The following OSBPL3 variants were observed in gnomAD, a reference collection of about 807,000 sequenced individuals.
The protein encoded by OSBPL3 is oxysterol binding protein like 3.
In OSBPL3, 65 loss-of-function variants were observed where a neutral mutation model predicts 120.1. The observed-to-expected ratio is 0.54, with a 90% CI of 0.44 to 0.67. OSBPL3 has a LOEUF of 0.67. Ranked by LOEUF, OSBPL3 falls within the 30% of genes least tolerant of loss-of-function variation. The pLI is 0.00. For synonymous variants in OSBPL3, 416 were observed against 402.6 expected (o/e 1.03, Z -0.40); for missense variants, 1,004 against 1,082.1 (o/e 0.93, Z 1.01).
In OSBPL3 at chr7:24,959,424, CA is replaced by C. The variant is rs1815462714; in HGVS notation, c.-150+20461del. Among the ~76,000 whole-genome samples, 1 of 152,074 alleles carries C rather than the reference CA, an allele frequency of 6.6e-6. No individual in the cohort carries two copies. The highest frequency in any genetic ancestry group is 1.5e-5 in the Non-Finnish European group (1 of 67,996). Reference sequence around the variant, plus strand: ...AATAAACAAACTAAAAACCACACATCAAAATATGAGTGACTCTCACAGACCT... The same window carrying C: ...AATAAACAAACTAAAAACCACACATCAAATATGAGTGACTCTCACAGACCT... On this transcript the variant is annotated intron_variant, in intron 1 of 22. Transcript: ENST00000313367. The surrounding 1 kb of genome is among the most constrained non-coding windows in gnomAD (Gnocchi z 4.3).
At chr7:24,917,037 AGGGGGCTG>A (rs2128437205) in intron 1 of OSBPL3, among the ~76,000 whole-genome samples, 2 of 152,226 alleles carry the variant, frequency 1.3e-5, no homozygotes, top group African/African-American at 2.4e-5. Context: ...CCAGGAGTAG[AGGGGGCTG>A]CACCCATATT....
chr7:24,801,805 A>T (rs974714949), intron 22 of OSBPL3, among the ~76,000 whole-genome samples: 23 of 150,650 alleles, frequency 1.5e-4, no homozygotes, highest in Admixed American at 2.6e-4. Context: ...TGCTCTTTAT[A>T]GGAAAAGTTT....
intron 1 of OSBPL3, among the ~76,000 whole-genome samples, chr7:24,977,901 G>C (rs1045911058): frequency 1.3e-5 from 2 of 152,208 alleles, no homozygotes; most frequent in African/African-American, 4.8e-5. Flanking sequence ...TGCAGCCTGG[G>C]AGTATCTGGC....
rs1365650749 is a variant in OSBPL3, at chr7:24,953,902, C to T, written c.-150+25984G>A. On this transcript the variant is annotated intron_variant, in intron 1 of 22. Transcript: ENST00000313367. This position sits in a 1 kb window ranked among gnomAD's most constrained non-coding sequence, Gnocchi z 4.3. Reference sequence around the variant, plus strand: ...AAAACAGCTCATGAAGAAAATAATCCTTATGGTAATCATCACAATGATGAT... The same window carrying T: ...AAAACAGCTCATGAAGAAAATAATCTTTATGGTAATCATCACAATGATGAT... 6.6e-6 allele frequency among the ~76,000 whole-genome samples: 1 copy of T among 152,154 alleles called. No homozygotes were observed. The highest frequency in any genetic ancestry group is 1.5e-5 in the Non-Finnish European group (1 of 68,034).
intron 1 of OSBPL3, among the ~76,000 whole-genome samples, chr7:24,978,713 G>A (rs1449319933): frequency 2.0e-5 from 3 of 152,216 alleles, no homozygotes; most frequent in Admixed American, 2.0e-4. Context: ...TGCAGCTGTA[G>A]TTTAAAATAT....
chr7:24,948,233 T>C (rs1390623442), intron 1 of OSBPL3, among the ~76,000 whole-genome samples: 1 of 152,210 alleles, frequency 6.6e-6, no homozygotes, highest in Non-Finnish European at 1.5e-5. Flanking sequence ...TTTTCAAATA[T>C]TTGAAGCATT....
chr7:24,830,639 T>C lies in OSBPL3; in HGVS notation c.1884+129A>G, dbSNP rs941564023. 6.3e-6 allele frequency: 6 copies of C among 946,090 alleles called. No homozygotes were observed. The highest frequency in any genetic ancestry group is 9.4e-6 in the Non-Finnish European group (6 of 639,478). The allele number at this position is 946,090 out of a possible 1,614,324, so 58.6% of individuals were successfully genotyped here. A position where few individuals can be genotyped will look rare whatever the true frequency, so the allele number is the denominator to read the frequency against. On this transcript the variant is annotated intron_variant, in intron 16 of 22. Coordinates refer to ENST00000313367, the MANE Select transcript of OSBPL3 (RefSeq NM_015550.4). The surrounding 1 kb of genome is among the most constrained non-coding windows in gnomAD (Gnocchi z 4.4). ...AGGGAAATCGATCCCTCCCTTTATG[T>C]TGAAAAGCACTGTAATTATCTCGGC...
At chr7:24,876,184 G>A (rs1802814494) in intron 2 of OSBPL3, among the ~76,000 whole-genome samples, 1 of 152,094 alleles carries the variant, frequency 6.6e-6, no homozygotes, top group African/African-American at 2.4e-5. Context: ...ATATAAAAAT[G>A]AGGATGACAA....
rs1258807621 is a variant in OSBPL3 at position 24,840,753 on chromosome 7, T to C, written c.1432A>G (p.Ile478Val). 2 of 1,468,864 alleles carry C rather than the reference T, an allele frequency of 1.4e-6. No homozygotes were observed. The highest frequency in any genetic ancestry group is 2.4e-5 in the East Asian group (1 of 42,428). 91.0% of individuals were successfully genotyped at this position (1,468,864 alleles called of 1,614,324 possible). A position where few individuals can be genotyped will look rare whatever the true frequency, so the allele number is the denominator to read the frequency against. The change falls in exon 14 of 23, where the codon ATA becomes GTA. Residue 478 changes from isoleucine (I) to valine (V), a missense_variant. Physicochemically the swap from Ile to Val is conservative, Grantham distance 29. Around this residue, in one of 4 missense-constraint regions of OSBPL3, gnomAD observed 473 missense variants for 568.0 expected, o/e 0.83. Transcript: ENST00000313367. ...TTATCTAAGGAAAGATTATCACTTA[T>C]GTCACTGACATATGAGTCATCATCA... ...ISDDDSYVSD[I>V]SDNLSLDNLS... is the part of the protein sequence containing the mutation.
At chr7:24,915,546 A>C (rs542825160) in intron 1 of OSBPL3, among the ~76,000 whole-genome samples, 60 of 152,276 alleles carry the variant, frequency 3.9e-4, no homozygotes, top group African/African-American at 1.4e-3. Flanking sequence ...CTTTAAAAAA[A>C]AAAAATTCAC....
chr7:24,980,509 G>C (rs1391032802), upstream of OSBPL3, among the ~76,000 whole-genome samples: 1 of 152,070 alleles, frequency 6.6e-6, no homozygotes, highest in Non-Finnish European at 1.5e-5. Context: ...TTCGGTAAAT[G>C]TTCCTCTAGT....
In OSBPL3 at chr7:24,896,292, T is replaced by C. The variant is rs1400669858; in HGVS notation, c.-149-3671A>G. On this transcript the variant is annotated intron_variant, in intron 1 of 22. Coordinates refer to ENST00000313367, the MANE Select transcript of OSBPL3 (RefSeq NM_015550.4). The surrounding 1 kb of genome is among the most constrained non-coding windows in gnomAD (Gnocchi z 4.4). ...AACACGTGTCAAACACCAGATGCACTTGTGTCAGTTCAAAAATGACGTTTG... is the reference window on the plus strand; with the variant it reads ...AACACGTGTCAAACACCAGATGCACCTGTGTCAGTTCAAAAATGACGTTTG... Among the ~76,000 whole-genome samples, 1 of 152,244 alleles carries C rather than the reference T, an allele frequency of 6.6e-6. No homozygotes were observed. The highest frequency in any genetic ancestry group is 2.4e-5 in the African/African-American group (1 of 41,456).
At position 24,871,318 on chromosome 7, in the gene OSBPL3, T is replaced by C. The variant is rs1393858360; in HGVS notation, c.267+424A>G. Among the ~76,000 whole-genome samples the C allele has an allele frequency of 6.6e-6, 1 of 152,100 alleles. No individual in the cohort carries two copies. Among genetic ancestry groups the C allele is most frequent in the Non-Finnish European group, 1.5e-5 (1 of 68,018 alleles). Reference sequence around the variant, plus strand: ...GGACTCCTACAAGGGACAGGACAAATGGTCATTCACACACAGAGCCTTCAC... The same window carrying C: ...GGACTCCTACAAGGGACAGGACAAACGGTCATTCACACACAGAGCCTTCAC... On this transcript the variant is annotated intron_variant, in intron 4 of 22. Transcript: ENST00000313367. This position sits in a 1 kb window ranked among gnomAD's most constrained non-coding sequence, Gnocchi z 4.8.
chr7:24,911,521 A>G (rs1808816651), intron 1 of OSBPL3, among the ~76,000 whole-genome samples: 1 of 152,228 alleles, frequency 6.6e-6, no homozygotes, highest in African/African-American at 2.4e-5. Context: ...GAACACTCTC[A>G]AATAACAAGA....
intron 12 of OSBPL3, 130 bp downstream of exon 12, chr7:24,848,939 C>A: frequency 3.1e-6 from 2 of 649,804 alleles, no homozygotes; most frequent in Non-Finnish European, 5.5e-6. Flanking sequence ...GTGGCCAGCA[C>A]CCAGAGGAGG....
rs892783766 is a variant in OSBPL3, at chr7:24,965,322, T to A, written c.-150+14564A>T. Among the ~76,000 whole-genome samples, 6 of 152,218 alleles carry A rather than the reference T, an allele frequency of 3.9e-5. No individual in the cohort carries two copies. The highest frequency in any genetic ancestry group is 3.9e-4 in the Admixed American group (6 of 15,284). On this transcript the variant is annotated intron_variant, in intron 1 of 22. Transcript: ENST00000313367. This position sits in a 1 kb window ranked among gnomAD's most constrained non-coding sequence, Gnocchi z 4.3. ...CAACTATTTTTGCCCCTAGGGTAAG[T>A]CAGTCATCTGTCTTCAATCTTATTT...
At chr7:24,975,976 A>T (rs1817542181) in intron 1 of OSBPL3, among the ~76,000 whole-genome samples, 1 of 152,236 alleles carries the variant, frequency 6.6e-6, no homozygotes, top group Non-Finnish European at 1.5e-5. Context: ...CTACCAGCTC[A>T]CAGGGGTGGG....
chr7:24,972,931 G>C lies in OSBPL3; in HGVS notation c.-150+6955C>G, dbSNP rs1193073856. Among the ~76,000 whole-genome samples the C allele has an allele frequency of 6.6e-6, 1 of 152,194 alleles. No homozygotes were observed. Among genetic ancestry groups the C allele is most frequent in the South Asian group, 2.1e-4 (1 of 4,826 alleles). ...GAAACCAGTGTGGGAATCTTTACAAGTACTACATTTTAATACATATTTGGA... is the reference window on the plus strand; with the variant it reads ...GAAACCAGTGTGGGAATCTTTACAACTACTACATTTTAATACATATTTGGA... On this transcript the variant is annotated intron_variant, in intron 1 of 22. Transcript: ENST00000313367. This position sits in a 1 kb window ranked among gnomAD's most constrained non-coding sequence, Gnocchi z 4.3.
Position 24,936,866 on chromosome 7 carries a change from A to T in OSBPL3, c.-150+43020T>A, listed in dbSNP as rs1459294942. On this transcript the variant is annotated intron_variant, in intron 1 of 22. Coordinates refer to ENST00000313367, the MANE Select transcript of OSBPL3 (RefSeq NM_015550.4). This position sits in a 1 kb window ranked among gnomAD's most constrained non-coding sequence, Gnocchi z 4.2. ...AGTATCAAAAGTGAGTTGGAATGAGAGAATGGAATAGGAAGATAAATTATT... is the reference window on the plus strand; with the variant it reads ...AGTATCAAAAGTGAGTTGGAATGAGTGAATGGAATAGGAAGATAAATTATT... Among the ~76,000 whole-genome samples, 1 of 152,232 alleles carries T rather than the reference A, an allele frequency of 6.6e-6. No individual in the cohort carries two copies. Among genetic ancestry groups the T allele is most frequent in the Non-Finnish European group, 1.5e-5 (1 of 68,036 alleles).
Sources: allele counts gnomAD v4.1 joint callset (sites outside exome capture counted in the v4.1 genomes callset), GRCh38; gene constraint gnomAD v4.1.1; regional missense constraint gnomAD v4.1.1; non-coding constraint Gnocchi (gnomAD v3.1); transcripts MANE v1.5; gene names NCBI Gene and HGNC (gene_info 2026-07-23, HGNC 2026-07-21).